Variants in KCNH7 observed in about 807,000 individuals in gnomAD.
The protein encoded by KCNH7 is potassium voltage-gated channel subfamily H member 7.
KCNH7 carries 49 observed loss-of-function variants against 120.8 expected under a neutral mutation model. The ratio of observed to expected loss-of-function variants is 0.41; its 90% confidence interval spans 0.32 to 0.51. KCNH7 has a LOEUF of 0.51. Among genes scored for constraint, KCNH7 ranks in the 20% least tolerant of loss-of-function variants. The pLI is 0.38. For missense variants in KCNH7, 1,097 were observed against 1,446.6 expected (o/e 0.76, Z 3.92); for synonymous variants, 547 against 516.1 (o/e 1.06, Z -0.81).
At chr2:162,653,391 C>T (rs765226284) in intron 2 of KCNH7, among the ~76,000 whole-genome samples, 1 of 151,078 alleles carries the variant, frequency 6.6e-6, no homozygotes, top group Non-Finnish European at 1.5e-5. Context: ...TTGTAGTATA[C>T]AAAAATCAAC....
intron 2 of KCNH7, among the ~76,000 whole-genome samples, chr2:162,590,617 T>C (rs1268061748): frequency 6.6e-6 from 1 of 152,102 alleles, no homozygotes. Flanking sequence ...AGAGTTATTG[T>C]TTATTATTTT....
chr2:162,647,643 G>A lies in KCNH7; in HGVS notation c.308-110563C>T, dbSNP rs372935952. 3.5e-4 allele frequency among the ~76,000 whole-genome samples: 54 copies of A among 152,118 alleles called. 2 individuals are homozygous for A. The highest frequency in any genetic ancestry group is 2.1e-3 in the Admixed American group (32 of 15,268). On this transcript the variant is annotated intron_variant, in intron 2 of 15. Coordinates refer to ENST00000332142, the MANE Select transcript of KCNH7 (RefSeq NM_033272.4). ...TTTATAAATGAAAGTTCCCTAACAC[G>A]AGCTCTCTTGCCTGCCACCATTTAA...
chr2:162,680,157 C>T (rs1436538530), intron 2 of KCNH7, among the ~76,000 whole-genome samples: 1 of 151,620 alleles, frequency 6.6e-6, no homozygotes, highest in Non-Finnish European at 1.5e-5. Flanking sequence ...TAGAACAGTA[C>T]CATGATTATT....
chr2:162,542,222 CT>C (rs371838497), intron 2 of KCNH7, among the ~76,000 whole-genome samples: 6 of 147,030 alleles, frequency 4.1e-5, no homozygotes, highest in Admixed American at 2.7e-4. Context: ...GGCTGTGATT[CT>C]TTTTTTTTCT....
At chr2:162,569,667 A>G (rs1217316995) in intron 2 of KCNH7, among the ~76,000 whole-genome samples, 1 of 151,508 alleles carries the variant, frequency 6.6e-6, no homozygotes. Context: ...GTGGGCATTT[A>G]GTGCTATAAA....
chr2:162,642,316 C>T (rs1684187418), intron 2 of KCNH7, among the ~76,000 whole-genome samples: 1 of 152,068 alleles, frequency 6.6e-6, no homozygotes, highest in Non-Finnish European at 1.5e-5. Flanking sequence ...ATTATCTTGC[C>T]ATTTAATATT....
intron 2 of KCNH7, among the ~76,000 whole-genome samples, chr2:162,689,159 T>TATC (rs1463499196): frequency 1.3e-5 from 2 of 151,656 alleles, no homozygotes; most frequent in African/African-American, 4.8e-5. Context: ...TTATTATTAT[T>TATC]ATTATTATTT....
intron 2 of KCNH7, among the ~76,000 whole-genome samples, chr2:162,608,676 A>C (rs558787486): frequency 6.6e-6 from 1 of 152,124 alleles, no homozygotes; most frequent in South Asian, 2.1e-4. Flanking sequence ...CTTTAATCAC[A>C]TTGTTAACTG....
At chr2:162,773,226 G>A (rs747767454) in intron 2 of KCNH7, among the ~76,000 whole-genome samples, 14 of 152,170 alleles carry the variant, frequency 9.2e-5, no homozygotes, top group Non-Finnish European at 1.8e-4. Context: ...AGTAGTTCAT[G>A]CCTGTAATCT....
intron 9 of KCNH7, among the ~76,000 whole-genome samples, chr2:162,410,523 C>T (rs1002038370): frequency 2.0e-5 from 3 of 151,764 alleles, no homozygotes; most frequent in African/African-American, 7.2e-5. Flanking sequence ...TCATTACCAA[C>T]ACCTCTTCAA....
intron 6 of KCNH7, among the ~76,000 whole-genome samples, chr2:162,483,471 A>G (rs959338451): frequency 2.6e-5 from 4 of 152,196 alleles, no homozygotes; most frequent in Middle Eastern, 6.8e-3. Context: ...TATTGGCAAC[A>G]TTTAGAAATC....
intron 2 of KCNH7, among the ~76,000 whole-genome samples, chr2:162,630,144 T>A (rs1296664734): frequency 6.6e-6 from 1 of 152,006 alleles, no homozygotes; most frequent in African/African-American, 2.4e-5. Flanking sequence ...CCCATAGGCA[T>A]GAAAATAACT....
chr2:162,536,974 A>C lies in KCNH7; in HGVS notation c.414T>G (p.Ala138=), dbSNP rs1692130557. The change falls in exon 3 of 16, where the codon GCT becomes GCG. Residue 138 remains alanine (A), a synonymous_variant. Coordinates refer to ENST00000332142, the MANE Select transcript of KCNH7 (RefSeq NM_033272.4). ...TTGGGTTTACCCTCTCTGGGGTGGC[A>C]GCGTTTTCATTATCCGTCACATATT... is the stretch of plus-strand genomic sequence containing the variant. The part of the protein sequence containing the change: ...NFEYVTDNEN[A]ATPERVNPIL... 1.9e-6 allele frequency: 3 copies of C among 1,612,978 alleles called. No individual in the cohort carries two copies. The South Asian group carries it at 3.3e-5, about 18-fold the overall frequency.
intron 6 of KCNH7, among the ~76,000 whole-genome samples, chr2:162,480,356 A>G (rs1026953376): frequency 1.1e-4 from 17 of 152,152 alleles, no homozygotes; most frequent in Non-Finnish European, 1.9e-4. Context: ...TGAAGGTGAA[A>G]AAAGAGAAAT....
intron 2 of KCNH7, chr2:162,795,294 G>A (rs983372436): frequency 1.3e-5 from 2 of 152,088 alleles, no homozygotes; most frequent in African/African-American, 4.8e-5. Flanking sequence ...CTTTCAGGGA[G>A]TGTTATGGTG....
chr2:162,564,970 T>C (rs889775246), intron 2 of KCNH7, among the ~76,000 whole-genome samples: 2 of 152,150 alleles, frequency 1.3e-5, no homozygotes, highest in Non-Finnish European at 1.5e-5. Context: ...ATTTAAAGGC[T>C]AATTCAGCTC....
At chr2:162,463,747 T>C (rs1341979512) in intron 6 of KCNH7, among the ~76,000 whole-genome samples, 1 of 150,988 alleles carries the variant, frequency 6.6e-6, no homozygotes, top group Non-Finnish European at 1.5e-5. Flanking sequence ...ATTGTAGGCA[T>C]ATTGATTACT....
intron 8 of KCNH7, among the ~76,000 whole-genome samples, chr2:162,426,342 G>T (rs368201408): frequency 6.6e-6 from 1 of 151,944 alleles, no homozygotes; most frequent in East Asian, 1.9e-4. Flanking sequence ...GGAGCTAGAG[G>T]TTGTAAGCTA....
chr2:162,390,094 A>G (rs564855427), intron 12 of KCNH7, among the ~76,000 whole-genome samples: 1 of 152,002 alleles, frequency 6.6e-6, no homozygotes, highest in Admixed American at 6.6e-5. Flanking sequence ...TCTCTGCCAA[A>G]AGGTCATCCC....
Sources: allele counts gnomAD v4.1 joint callset (sites outside exome capture counted in the v4.1 genomes callset), GRCh38; gene constraint gnomAD v4.1.1; transcripts MANE v1.5; gene names NCBI Gene and HGNC (gene_info 2026-07-23, HGNC 2026-07-21).